The following PABPN1L variants were observed in gnomAD, a reference collection of about 807,000 sequenced individuals.
PABPN1L encodes PABPN1 like, cytoplasmic.
In PABPN1L, 45 loss-of-function variants were observed where a neutral mutation model predicts 34.0. The observed-to-expected ratio is 1.32, with a 90% CI of 1.04 to 1.70. PABPN1L has a LOEUF of 1.70. PABPN1L is among the 40% of genes most tolerant of loss of function. The pLI, the probability that PABPN1L is intolerant of heterozygous loss-of-function variation, is 0.00. For synonymous variants in PABPN1L, 182 were observed against 152.1 expected, an observed-to-expected ratio of 1.20 and a Z score of -1.45; for missense variants, 459 against 367.8, an observed-to-expected ratio of 1.25 and a Z score of -2.03.
Position 88,864,120 on chromosome 16 carries a change from C to T in PABPN1L, c.797+117G>A, listed in dbSNP as rs1181109293. On this transcript the variant is annotated intron_variant, in intron 6 of 6. Transcript: ENST00000419291. ...GCAGCAGCCACAGCCCTCACCCAGG[C>T]CCCGCCAGGTACATTCCTGCAGCCC... is the stretch of plus-strand genomic sequence containing the variant. The T allele has an allele frequency of 3.0e-6, 4 of 1,345,760 alleles. No individual in the cohort carries two copies. In the South Asian group the frequency reaches 4.5e-5, roughly 15 times the overall value. The allele number at this position is 1,345,760 out of a possible 1,614,324, so 83.4% of individuals were successfully genotyped here.
chr16:88,863,757 T>C (rs1567563046), exon 7 of PABPN1L: 22 of 1,536,098 alleles, frequency 1.4e-5, no homozygotes, highest in Middle Eastern at 3.3e-4. Context: ...GTCTTCCCTT[T>C]AATACGGTGA....
intron 3 of PABPN1L, among the ~76,000 whole-genome samples, 197 bp downstream of exon 3, chr16:88,865,366 G>A (rs931581639): frequency 1.9e-4 from 29 of 151,788 alleles, no homozygotes; most frequent in African/African-American, 1.9e-4. Flanking sequence ...GAGATTTCAT[G>A]TGCAACCCCG....
At chr16:88,866,800 G>C, upstream of PABPN1L, 1 of 739,208 alleles carries the variant, frequency 1.4e-6, no homozygotes, top group Non-Finnish European at 2.1e-6. Flanking sequence ...CTGTCACTCG[G>C]ACAGGTACCT....
At position 88,865,501 on chromosome 16, in the gene PABPN1L, G is replaced by A. The variant is rs1397077809; in HGVS notation, c.459+62C>T. On this transcript the variant is annotated intron_variant, in intron 3 of 6. Coordinates refer to ENST00000419291, the Ensembl canonical transcript of PABPN1L. ...CTGCCTGGCCCATGGCCGGGCGCCA[G>A]ACCCTCTGGTAGAGATGGGGCCCCA... 6 of 1,567,470 alleles carry A rather than the reference G, an allele frequency of 3.8e-6. No homozygotes were observed. The African/African-American group carries it at 4.1e-5, about 11-fold the overall frequency.
At chr16:88,868,991 C>G (rs1031600012), upstream of PABPN1L, among the ~76,000 whole-genome samples, 1 of 152,180 alleles carries the variant, frequency 6.6e-6, no homozygotes, top group Non-Finnish European at 1.5e-5. Flanking sequence ...AGAACTGTTT[C>G]AGAGCCAAGA....
At chr16:88,863,920 G>C (rs1161181655) in intron 6 of PABPN1L, 125 bp from the exon 7 acceptor site, 1 of 1,014,860 alleles carries the variant, frequency 9.9e-7, no homozygotes. Context: ...AATGCCCCAG[G>C]GGCCTTTCTG....
exon 1 of PABPN1L, chr16:88,866,453 C>G: frequency 1.3e-6 from 2 of 1,551,610 alleles, no homozygotes; most frequent in Non-Finnish European, 1.7e-6. Flanking sequence ...TCTTCCTCCT[C>G]TTTCTCCTCC....
intron 5 of PABPN1L, among the ~76,000 whole-genome samples, chr16:88,864,635 G>GGGGT (rs1968543267): frequency 1.3e-5 from 2 of 150,664 alleles, no homozygotes; most frequent in South Asian, 2.1e-4. Context: ...TGCAGAGGGG[G>GGGGT]CTCCCGCCCG....
At chr16:88,865,195 A>T (rs924551169) in intron 3 of PABPN1L, 67 bp from the exon 4 acceptor site, 28 of 1,489,966 alleles carry the variant, frequency 1.9e-5, no homozygotes, top group Non-Finnish European at 2.5e-5. Flanking sequence ...TTCTTGTTAG[A>T]GGTGAGGAAA....
At chr16:88,869,546 G>A (rs1164714731), upstream of PABPN1L, among the ~76,000 whole-genome samples, 1 of 152,232 alleles carries the variant, frequency 6.6e-6, no homozygotes, top group Non-Finnish European at 1.5e-5. Flanking sequence ...CATCTGCACC[G>A]AGGACAGGTA....
intron 1 of PABPN1L, 72 bp from the exon 2 acceptor site, chr16:88,866,013 G>A: frequency 6.7e-7 from 1 of 1,482,186 alleles, no homozygotes; most frequent in Non-Finnish European, 8.9e-7. Flanking sequence ...TGTGTGGCCT[G>A]CCAGCTCCAG....
chr16:88,869,265 C>T (rs960186668), upstream of PABPN1L, among the ~76,000 whole-genome samples: 2 of 152,222 alleles, frequency 1.3e-5, no homozygotes, highest in Admixed American at 6.5e-5. Context: ...CTCATGAGGT[C>T]GGGGAGGAAT....
chr16:88,865,763 G>A, intron 2 of PABPN1L, 43 bp downstream of exon 2: 2 of 1,575,956 alleles, frequency 1.3e-6, no homozygotes, highest in Non-Finnish European at 1.7e-6. Flanking sequence ...GAAACTGTGG[G>A]ACCCTTGCTC....
At chr16:88,865,477 T>C (rs990045403) in intron 3 of PABPN1L, 86 bp downstream of exon 3, 17 of 1,510,408 alleles carry the variant, frequency 1.1e-5, no homozygotes, top group Non-Finnish European at 1.4e-5. Flanking sequence ...CCAGCAAGGC[T>C]GCCTGGCCCA....
intron 5 of PABPN1L, 22 bp from the exon 6 acceptor site, chr16:88,864,401 AG>A: frequency 1.3e-6 from 2 of 1,549,812 alleles, no homozygotes; most frequent in Non-Finnish European, 1.7e-6. Flanking sequence ...GCCTGTTTTG[AG>A]TCCTCCTCAA....
exon 1 of PABPN1L, chr16:88,866,463 C>T: frequency 1.3e-6 from 2 of 1,551,624 alleles, no homozygotes; most frequent in Non-Finnish European, 1.7e-6. Flanking sequence ...CTTTCTCCTC[C>T]TTCCCTTCCC....
upstream of PABPN1L, among the ~76,000 whole-genome samples, chr16:88,870,060 C>T (rs1279225274): frequency 1.3e-5 from 2 of 152,214 alleles, no homozygotes; most frequent in Non-Finnish European, 2.9e-5. Flanking sequence ...CTGTGCTGTC[C>T]ACCCTCAGGT....
At chr16:88,865,618 G>A (rs1404830997) in exon 3 of PABPN1L, 1 of 1,609,362 alleles carries the variant, frequency 6.2e-7, no homozygotes, top group East Asian at 2.2e-5. Flanking sequence ...GGGGGTCCCA[G>A]AGAGGGGGCA....
In PABPN1L at chr16:88,865,783, C is replaced by T. The variant is rs779590368; in HGVS notation, c.391+23G>A. 14 of 1,589,294 alleles carry T rather than the reference C, an allele frequency of 8.8e-6. 1 individual carries two copies. Among genetic ancestry groups the T allele is most frequent in the South Asian group, 5.7e-5 (5 of 87,910 alleles). Reference sequence around the variant, plus strand: ...TGTGGGACCCTTGCTCAGTGGGGGGCGGCCTGTGCCCTTGGTTCCTACCCA... The same window carrying T: ...TGTGGGACCCTTGCTCAGTGGGGGGTGGCCTGTGCCCTTGGTTCCTACCCA... On this transcript the variant is annotated intron_variant, in intron 2 of 6. Transcript: ENST00000419291.
Sources: allele counts gnomAD v4.1 joint callset (sites outside exome capture counted in the v4.1 genomes callset), GRCh38; gene constraint gnomAD v4.1.1; transcripts MANE v1.5; gene names NCBI Gene and HGNC (gene_info 2026-07-23, HGNC 2026-07-21).